AFAP1L1: variants seen among roughly 807,000 people sequenced by gnomAD.
AFAP1L1 encodes actin filament-associated protein 1-like 1.
In AFAP1L1, 77 loss-of-function variants were observed where a neutral mutation model predicts 99.8. The ratio of observed to expected loss-of-function variants is 0.77; its 90% CI spans 0.64 to 0.93. The LOEUF (loss-of-function observed/expected upper bound fraction) is 0.93, where lower values mean the gene tolerates loss of function less well. Ranked by LOEUF, AFAP1L1 falls within the 40% of genes least tolerant of loss-of-function variation. The pLI, the probability that AFAP1L1 is intolerant of heterozygous loss-of-function variation, is 0.00. For missense variants in AFAP1L1, 893 were observed against 996.8 expected, an observed-to-expected ratio of 0.90 and a Z score of 1.40; for synonymous variants, 373 against 395.3, an observed-to-expected ratio of 0.94 and a Z score of 0.67.
Position 149,300,369 on chromosome 5 carries a change from C to T in AFAP1L1, c.229+15C>T. On this transcript the variant is annotated intron_variant, in intron 3 of 18. Coordinates refer to ENST00000296721, the MANE Select transcript of AFAP1L1 (RefSeq NM_152406.4). ...TGAAGAATTTGGTAAGTGACCCTCT[C>T]CCAACCTCAGCTACGGAGCCATCCC... 2.5e-6 allele frequency: 4 copies of T among 1,608,396 alleles called. No homozygotes were observed. Among genetic ancestry groups the T allele is most frequent in the Non-Finnish European group, 3.4e-6 (4 of 1,176,148 alleles).
At chr5:149,327,648 C>A (rs935956657) in intron 15 of AFAP1L1, among the ~76,000 whole-genome samples, 1 of 151,658 alleles carries the variant, frequency 6.6e-6, no homozygotes, top group Admixed American at 6.6e-5. Flanking sequence ...ATAACTGAAA[C>A]GAAAAACTCA....
chr5:149,281,818 A>T (rs774029782), intron 1 of AFAP1L1, among the ~76,000 whole-genome samples: 2 of 152,176 alleles, frequency 1.3e-5, no homozygotes, highest in African/African-American at 2.4e-5. Flanking sequence ...GACTAGGTAA[A>T]GATTTCTAAG....
chr5:149,304,608 A>G (rs995223544), intron 5 of AFAP1L1, among the ~76,000 whole-genome samples: 1 of 152,198 alleles, frequency 6.6e-6, no homozygotes, highest in Non-Finnish European at 1.5e-5. Context: ...AACCTTGTGC[A>G]GGGAGAGCAC....
At position 149,342,932 on chromosome 5, in the gene AFAP1L1, T is replaced by A. The variant is rs1237576623; in HGVS notation, c.*2902T>A. Among the ~76,000 whole-genome samples the A allele has an allele frequency of 2.0e-5, 3 of 151,804 alleles. No homozygotes were observed. Among genetic ancestry groups the A allele is most frequent in the Non-Finnish European group, 4.4e-5 (3 of 67,974 alleles). On this transcript the variant is annotated 3_prime_UTR_variant, in exon 19 of 19. Transcript: ENST00000296721. ...CTCAAAAAAAAAAAAATGCCTTATT[T>A]GGTTGTGTTTTTTCAAAGTGTAAGC...
chr5:149,281,847 C>T (rs1386141850), intron 1 of AFAP1L1, among the ~76,000 whole-genome samples: 2 of 151,986 alleles, frequency 1.3e-5, no homozygotes, highest in African/African-American at 2.4e-5. Flanking sequence ...AGGAGGGTGC[C>T]GAGAAGACGA....
At position 149,279,449 on chromosome 5, in the gene AFAP1L1, C is replaced by T. The variant is rs546717271; in HGVS notation, c.16+7465C>T. Among the ~76,000 whole-genome samples the T allele has an allele frequency of 1.3e-4, 20 of 152,310 alleles. No homozygotes were observed. In the South Asian group the frequency reaches 4.1e-3, roughly 32 times the overall value. ...TGACCCTTTTGCACACTGTAGAGAA[C>T]AGGACTTCTAGGAGTGTATGTTTCA... On this transcript the variant is annotated intron_variant, in intron 1 of 18. Transcript: ENST00000296721.
chr5:149,341,886 A>G lies in AFAP1L1; in HGVS notation c.*1856A>G, dbSNP rs1259737390. On this transcript the variant is annotated 3_prime_UTR_variant, in exon 19 of 19. Coordinates refer to ENST00000296721, the MANE Select transcript of AFAP1L1 (RefSeq NM_152406.4). ...TTCTTTTTTAAAACGTGGATCCTGA[A>G]ATGTCACCTAACTCTCCAACTATGT... is the stretch of plus-strand genomic sequence containing the variant. The G allele has an allele frequency of 6.6e-6, 1 of 152,184 alleles. No individual in the cohort carries two copies. The highest frequency in any genetic ancestry group is 6.5e-5 in the Admixed American group (1 of 15,284). The allele number at this position is 152,184 out of a possible 1,614,324, so 9.4% of individuals were successfully genotyped here.
intron 15 of AFAP1L1, among the ~76,000 whole-genome samples, chr5:149,328,102 C>T (rs1051691346): frequency 3.9e-5 from 6 of 152,176 alleles, no homozygotes; most frequent in Non-Finnish European, 8.8e-5. Flanking sequence ...GCTGACTTCT[C>T]ATCAGTAACA....
chr5:149,341,489 G>A lies in AFAP1L1; in HGVS notation c.*1459G>A, dbSNP rs1757559441. On this transcript the variant is annotated 3_prime_UTR_variant, in exon 19 of 19. Coordinates refer to ENST00000296721, the MANE Select transcript of AFAP1L1 (RefSeq NM_152406.4). ...TCTTGTTTTCCTTATCTGTGAAATG[G>A]GACTAACAATTGTTACTTTTCTCCC... is the stretch of plus-strand genomic sequence containing the variant. 1 of 152,112 alleles carries A rather than the reference G, an allele frequency of 6.6e-6. No homozygotes were observed. The highest frequency in any genetic ancestry group is 1.5e-5 in the Non-Finnish European group (1 of 68,034). The allele number at this position is 152,112 out of a possible 1,614,324, so 9.4% of individuals were successfully genotyped here. A position where few individuals can be genotyped will look rare whatever the true frequency, so the allele number is the denominator to read the frequency against.
intron 15 of AFAP1L1, 139 bp from the exon 16 acceptor site, chr5:149,329,527 A>T: frequency 1.1e-6 from 1 of 886,394 alleles, no homozygotes. Context: ...GATTCACACT[A>T]AATATATCTA....
At chr5:149,332,614 G>T in intron 16 of AFAP1L1, 81 bp from the exon 17 acceptor site, 1 of 1,487,048 alleles carries the variant, frequency 6.7e-7, no homozygotes, top group Non-Finnish European at 9.0e-7. Context: ...AGGAGGGGCA[G>T]ACAAAGGCCT....
At chr5:149,289,074 A>T (rs1755774039) in intron 1 of AFAP1L1, among the ~76,000 whole-genome samples, 1 of 152,102 alleles carries the variant, frequency 6.6e-6, no homozygotes, top group South Asian at 2.1e-4. Flanking sequence ...TTTCCCCCTC[A>T]CACAAACCTG....
intron 5 of AFAP1L1, among the ~76,000 whole-genome samples, chr5:149,306,075 G>A (rs923431723): frequency 1.3e-5 from 2 of 152,174 alleles, no homozygotes; most frequent in African/African-American, 4.8e-5. Flanking sequence ...AATACAGGCC[G>A]GGAGATATGA....
At chr5:149,281,005 C>T (rs537321659) in intron 1 of AFAP1L1, among the ~76,000 whole-genome samples, 1 of 152,298 alleles carries the variant, frequency 6.6e-6, no homozygotes, top group East Asian at 1.9e-4. Flanking sequence ...CTTTTAGAAG[C>T]ACTTTGACAT....
At chr5:149,305,350 A>G (rs1286400880) in intron 5 of AFAP1L1, among the ~76,000 whole-genome samples, 2 of 152,244 alleles carry the variant, frequency 1.3e-5, no homozygotes, top group Admixed American at 6.5e-5. Context: ...GCTTCAAAGT[A>G]TGTTCCAGGG....
chr5:149,300,235 CCTT>C lies in AFAP1L1; in HGVS notation c.146-34_146-32del, dbSNP rs747556988. ...GGACGGGGGAGACCTGGTCCCTCCTCCTTCACAGCTGGCATGTCCCCCTTCTTC... is the reference window on the plus strand; with the variant it reads ...GGACGGGGGAGACCTGGTCCCTCCTCCACAGCTGGCATGTCCCCCTTCTTC... On this transcript the variant is annotated intron_variant, in intron 2 of 18. Coordinates refer to ENST00000296721, the MANE Select transcript of AFAP1L1 (RefSeq NM_152406.4). 13 of 1,540,080 alleles carry C rather than the reference CCTT, an allele frequency of 8.4e-6. No individual in the cohort carries two copies. The African/African-American group carries it at 1.8e-4, about 21-fold the overall frequency.
rs1446356305 is a variant in AFAP1L1, at chr5:149,340,591, G to C, written c.*561G>C. 6.5e-6 allele frequency: 1 copy of C among 153,006 alleles called. No homozygotes were observed. Among genetic ancestry groups the C allele is most frequent in the Non-Finnish European group, 1.5e-5 (1 of 68,294 alleles). The allele number at this position is 153,006 out of a possible 1,614,324, so 9.5% of individuals were successfully genotyped here. A position where few individuals can be genotyped will look rare whatever the true frequency, so the allele number is the denominator to read the frequency against. On this transcript the variant is annotated 3_prime_UTR_variant, in exon 19 of 19. Transcript: ENST00000296721. ...TGCATACATGTGAACAAAAGCTATA[G>C]AGGACATGCAAATTCTACAGTCATT... is the stretch of plus-strand genomic sequence containing the variant.
chr5:149,329,589 A>T, intron 15 of AFAP1L1, 77 bp from the exon 16 acceptor site: 1 of 1,424,914 alleles, frequency 7.0e-7, no homozygotes, highest in Non-Finnish European at 9.4e-7. Context: ...TTGGGGCTGA[A>T]AGAGAAGCTG....
Position 149,340,589 on chromosome 5 carries a change from T to C in AFAP1L1, c.*559T>C, listed in dbSNP as rs1025978121. 3 of 153,082 alleles carry C rather than the reference T, an allele frequency of 2.0e-5. No homozygotes were observed. Among genetic ancestry groups the C allele is most frequent in the African/African-American group, 2.4e-5 (1 of 41,474 alleles). 9.5% of individuals were successfully genotyped at this position (153,082 alleles called of 1,614,324 possible). ...CCTGCATACATGTGAACAAAAGCTA[T>C]AGAGGACATGCAAATTCTACAGTCA... On this transcript the variant is annotated 3_prime_UTR_variant, in exon 19 of 19. Coordinates refer to ENST00000296721, the MANE Select transcript of AFAP1L1 (RefSeq NM_152406.4).
Sources: gnomAD v4.1 joint callset for allele counts (sites outside exome capture counted in the v4.1 genomes callset) on GRCh38, gnomAD v4.1.1 for gene constraint, MANE v1.5 for transcripts, NCBI Gene and HGNC (gene_info 2026-07-23, HGNC 2026-07-21) for gene names.